Variants in C21orf91 observed in about 807,000 individuals in gnomAD.
C21orf91 encodes chromosome 21 open reading frame 91, also known as protein EURL homolog.
Under a neutral mutation model 32.9 loss-of-function variants are expected in C21orf91, and 26 were observed. The ratio of observed to expected loss-of-function variants is 0.79; its 90% CI spans 0.58 to 1.10. The LOEUF is 1.10. Ranked by LOEUF, C21orf91 falls within the 50% of genes least tolerant of loss-of-function variation. C21orf91 has a pLI of 0.00. For missense variants in C21orf91, 310 were observed against 341.3 expected, an observed-to-expected ratio of 0.91 and a Z score of 0.72; for synonymous variants, 126 against 120.4, an observed-to-expected ratio of 1.05 and a Z score of -0.31.
intron 2 of C21orf91, among the ~76,000 whole-genome samples, chr21:17,807,914 TTATATTTAAAAGGGTATAAGACTTCAG>T (rs1329593069): frequency 6.6e-6 from 1 of 152,174 alleles, no homozygotes; most frequent in East Asian, 1.9e-4. Context: ...AAACTGGAAC[TTATATTTAAAAGGGTATAAGACTTCAG>T]AAAATTTGCA....
intron 3 of C21orf91, 50 bp from the exon 4 acceptor site, chr21:17,795,320 T>C (rs756686236): frequency 1.2e-5 from 15 of 1,215,238 alleles, no homozygotes; most frequent in East Asian, 2.3e-5. Flanking sequence ...TAGGAAAACA[T>C]GCTGCTTACA....
At chr21:17,794,463 A>G (rs573623092) in intron 4 of C21orf91, among the ~76,000 whole-genome samples, 1 of 152,336 alleles carries the variant, frequency 6.6e-6, no homozygotes, top group East Asian at 1.9e-4. Context: ...TGGACAAAAA[A>G]CAGTGTGTTA....
Position 17,790,726 on chromosome 21 carries a change from G to A in C21orf91, c.*2689C>T, listed in dbSNP as rs1180599897. ...TTTAGATATTAATATGAGGATCAAA[G>A]GATAAGATGATAATCTCAAAGTAAA... is the stretch of plus-strand genomic sequence containing the variant. On this transcript the variant is annotated 3_prime_UTR_variant, in exon 5 of 5. Transcript: ENST00000284881. 1 of 152,046 alleles carries A rather than the reference G, an allele frequency of 6.6e-6. No individual in the cohort carries two copies. Among genetic ancestry groups the A allele is most frequent in the African/African-American group, 2.4e-5 (1 of 41,432 alleles). The allele number at this position is 152,046 out of a possible 1,614,324, so 9.4% of individuals were successfully genotyped here.
chr21:17,813,804 A>G (rs984055662), intron 2 of C21orf91: 2 of 152,198 alleles, frequency 1.3e-5, no homozygotes, highest in African/African-American at 4.8e-5. Flanking sequence ...TTGATTTTGA[A>G]TGCTCAACCT....
In C21orf91 at chr21:17,799,666, C is replaced by T. The variant is rs554938641; in HGVS notation, c.128-2548G>A. Among the ~76,000 whole-genome samples, 85 of 152,148 alleles carry T rather than the reference C, an allele frequency of 5.6e-4. No homozygotes were observed. The South Asian group carries it at 0.016, about 29-fold the overall frequency. On this transcript the variant is annotated intron_variant, in intron 2 of 4. Transcript: ENST00000284881. ...TTTCCCCTAAGAAGCCTTGTCTAACCCAAATGTCTGGGTTAGTTTATCACA... is the reference window on the plus strand; with the variant it reads ...TTTCCCCTAAGAAGCCTTGTCTAACTCAAATGTCTGGGTTAGTTTATCACA...
intron 2 of C21orf91, chr21:17,817,619 G>A (rs1361641413): frequency 6.6e-6 from 1 of 150,928 alleles, no homozygotes; most frequent in Non-Finnish European, 1.5e-5. Context: ...GTTTCTTTTT[G>A]GATTTGGAGA....
At chr21:17,802,829 C>A (rs1169790346) in intron 2 of C21orf91, among the ~76,000 whole-genome samples, 1 of 152,190 alleles carries the variant, frequency 6.6e-6, no homozygotes, top group Non-Finnish European at 1.5e-5. Flanking sequence ...CTGACTCCCT[C>A]ACACTTTTTG....
rs747027804 is a variant in C21orf91 at position 17,790,833 on chromosome 21, T to A, written c.*2582A>T. ...TGGTCAAAAACACTTTTCTAATTTTTAAAACTCAATTTAACGTGTCAAATT... is the reference window on the plus strand; with the variant it reads ...TGGTCAAAAACACTTTTCTAATTTTAAAAACTCAATTTAACGTGTCAAATT... On this transcript the variant is annotated 3_prime_UTR_variant, in exon 5 of 5. Coordinates refer to ENST00000284881, the MANE Select transcript of C21orf91 (RefSeq NM_001100420.2). 1 of 152,260 alleles carries A rather than the reference T, an allele frequency of 6.6e-6. No homozygotes were observed. Among genetic ancestry groups the A allele is most frequent in the Non-Finnish European group, 1.5e-5 (1 of 67,952 alleles). The allele number at this position is 152,260 out of a possible 1,614,324, so 9.4% of individuals were successfully genotyped here.
chr21:17,801,621 A>G (rs2062561984), intron 2 of C21orf91, among the ~76,000 whole-genome samples: 2 of 148,128 alleles, frequency 1.4e-5, no homozygotes, highest in South Asian at 4.5e-4. Flanking sequence ...ACATGGACAC[A>G]TGGAAAGGAA....
intron 2 of C21orf91, among the ~76,000 whole-genome samples, chr21:17,811,069 C>A (rs1227732978): frequency 2.0e-5 from 3 of 152,128 alleles, no homozygotes; most frequent in Non-Finnish European, 4.4e-5. Context: ...TCCAATCTTG[C>A]CTAAAAGTTA....
Position 17,796,853 on chromosome 21 carries a change from T to C in C21orf91, c.393A>G (p.Leu131=). The C allele has an allele frequency of 6.2e-7, 1 of 1,613,968 alleles. No homozygotes were observed. Among genetic ancestry groups the C allele is most frequent in the Non-Finnish European group, 8.5e-7 (1 of 1,179,962 alleles). Residue 131 remains leucine (L), a synonymous_variant, in exon 3 of 5, where the codon TTA becomes TTG. Transcript: ENST00000284881. The part of the protein sequence containing the change: ...FNFRHKPEEK[L]LPQFDSQVPK... ...GTACTTGGGAGTCAAACTGTGGGAG[T>C]AATTTTTCTTCTGGCTTATGCCTGA...
rs533172271 is a variant in C21orf91 at position 17,792,496 on chromosome 21, A to AC, written c.*918_*919insG. On this transcript the variant is annotated 3_prime_UTR_variant, in exon 5 of 5. Coordinates refer to ENST00000284881, the MANE Select transcript of C21orf91 (RefSeq NM_001100420.2). Reference sequence around the variant, plus strand: ...TCTTACTTTTTTTTTTCAAAGACAGAACAATTTCACAGCACACTCAATTTG... The same window carrying AC: ...TCTTACTTTTTTTTTTCAAAGACAGACACAATTTCACAGCACACTCAATTTG... 10 of 152,182 alleles carry AC rather than the reference A, an allele frequency of 6.6e-5. No homozygotes were observed. The South Asian group carries it at 2.1e-3, about 32-fold the overall frequency. 9.4% of individuals were successfully genotyped at this position (152,182 alleles called of 1,614,324 possible).
At chr21:17,798,177 C>G (rs558380623) in intron 2 of C21orf91, among the ~76,000 whole-genome samples, 5 of 152,128 alleles carry the variant, frequency 3.3e-5, no homozygotes, top group African/African-American at 9.6e-5. Flanking sequence ...TTAGCTGATT[C>G]ATCAGAAAAA....
chr21:17,813,270 C>T (rs944312392), intron 2 of C21orf91, among the ~76,000 whole-genome samples: 4 of 152,072 alleles, frequency 2.6e-5, no homozygotes, highest in Non-Finnish European at 4.4e-5. Context: ...ATGTTCCCTT[C>T]GAGTAATAAA....
intron 2 of C21orf91, among the ~76,000 whole-genome samples, chr21:17,805,234 A>G (rs1406126411): frequency 6.6e-6 from 1 of 152,232 alleles, no homozygotes; most frequent in East Asian, 1.9e-4. Flanking sequence ...CAGCTTGTCC[A>G]TAGGTAACTA....
At chr21:17,816,134 T>C (rs1464252709) in intron 2 of C21orf91, among the ~76,000 whole-genome samples, 1 of 152,220 alleles carries the variant, frequency 6.6e-6, no homozygotes, top group African/African-American at 2.4e-5. Context: ...TGAATATACA[T>C]AGAATATTAA....
In C21orf91 at chr21:17,795,191, C is replaced by T. The variant is rs201848082; in HGVS notation, c.727+17G>A. On this transcript the variant is annotated intron_variant, in intron 4 of 4. Transcript: ENST00000284881. ...AAAATTTGTCACACACAAAAAAGTA[C>T]TGACAGTGATTCTTACCCTGGATTT... 1.3e-6 allele frequency: 2 copies of T among 1,569,380 alleles called. No homozygotes were observed. The highest frequency in any genetic ancestry group is 2.7e-5 in the African/African-American group (2 of 74,012).
In C21orf91 at chr21:17,793,526, C is replaced by T; in HGVS notation, c.783G>A (p.Gln261=). The change falls in exon 5 of 5, where the codon CAG becomes CAA. Residue 261 remains glutamine (Q), a synonymous_variant. Coordinates refer to ENST00000284881, the MANE Select transcript of C21orf91 (RefSeq NM_001100420.2). ...QVQEKDSLAS[Q]LHVRHVAIEQ... is the part of the protein sequence containing the mutation. ...CGATGGCAACGTGGCGGACATGGAG[C>T]TGTGAGGCCAAAGAATCTTTTTCTT... is the stretch of plus-strand genomic sequence containing the variant. 6.2e-7 allele frequency: 1 copy of T among 1,613,658 alleles called. No individual in the cohort carries two copies. Among genetic ancestry groups the T allele is most frequent in the Non-Finnish European group, 8.5e-7 (1 of 1,179,726 alleles).
chr21:17,797,081 T>G lies in C21orf91; in HGVS notation c.165A>C (p.Leu55Phe). ...TTTCAAAGCAGTCTTTATGGCCCCTTAATGATTTGGTGTGCAAGAGATCAG... is the reference window on the plus strand; with the variant it reads ...TTTCAAAGCAGTCTTTATGGCCCCTGAATGATTTGGTGTGCAAGAGATCAG... ...PKSDLLHTKS[L>F]RGHKDCFEKY... Residue 55 changes from leucine (L) to phenylalanine (F), a missense_variant, in exon 3 of 5, where the codon TTA (leucine) becomes TTC (phenylalanine). Leu to Phe is a conservative substitution (Grantham distance 22, BLOSUM62 0). Transcript: ENST00000284881. 6.2e-7 allele frequency: 1 copy of G among 1,608,488 alleles called. No individual in the cohort carries two copies. The highest frequency in any genetic ancestry group is 8.5e-7 in the Non-Finnish European group (1 of 1,176,832).
Sources: gnomAD v4.1 joint callset for allele counts (sites outside exome capture counted in the v4.1 genomes callset) on GRCh38, gnomAD v4.1.1 for gene constraint, MANE v1.5 for transcripts, NCBI Gene and HGNC (gene_info 2026-07-23, HGNC 2026-07-21) for gene names.